Variants in FAM53A observed in about 807,000 individuals in gnomAD.
The protein encoded by FAM53A is family with sequence similarity 53 member A.
FAM53A carries 28 observed loss-of-function variants against 26.6 expected under a neutral mutation model. The observed-to-expected ratio is 1.05, with a 90% CI of 0.78 to 1.45. FAM53A has a LOEUF of 1.45. FAM53A is among the 40% of genes most tolerant of loss of function. FAM53A has a pLI of 0.00. For synonymous variants in FAM53A, 290 were observed against 253.1 expected (o/e 1.15, Z -1.38); for missense variants, 650 against 575.8 (o/e 1.13, Z -1.32).
At chr4:1,603,458 CCTG>C in the FAM53A span, among the ~76,000 whole-genome samples, 2 of 152,186 alleles carry the variant, frequency 1.3e-5, no homozygotes, top group Non-Finnish European at 2.9e-5. Context: ...GAGAGGACAC[CCTG>C]CTGACCAAGG....
chr4:1,614,045 C>T (rs1278590680), downstream of FAM53A, among the ~76,000 whole-genome samples: 1 of 152,210 alleles, frequency 6.6e-6, no homozygotes, highest in Admixed American at 6.5e-5. Context: ...CTGGTATGCT[C>T]ACGCGACCAG....
At chr4:1,585,539 C>T in the FAM53A span, among the ~76,000 whole-genome samples, 4 of 152,122 alleles carry the variant, frequency 2.6e-5, no homozygotes, top group African/African-American at 4.8e-5. Flanking sequence ...CTGCCTCGGC[C>T]TCCCAAAGTG....
downstream of FAM53A, among the ~76,000 whole-genome samples, chr4:1,636,756 C>G (rs572034199): frequency 6.6e-6 from 1 of 152,224 alleles, no homozygotes; most frequent in Non-Finnish European, 1.5e-5. Flanking sequence ...GAGGGGTCCG[C>G]GTCTGCGTCT....
At chr4:1,632,142 T>G (rs1715633973) in intron 1 of FAM53A, among the ~76,000 whole-genome samples, 1 of 136,780 alleles carries the variant, frequency 7.3e-6, no homozygotes, top group Non-Finnish European at 1.5e-5. Flanking sequence ...CCAGCCTGGG[T>G]GACACAGTAA....
At chr4:1,651,533 A>T (rs1577117142) in intron 4 of FAM53A, among the ~76,000 whole-genome samples, 1 of 19,442 alleles carries the variant, frequency 5.1e-5, no homozygotes, top group Admixed American at 8.0e-4. Flanking sequence ...ATTCTGTCTT[A>T]AAAAAAAAAA....
chr4:1,674,090 C>T (rs554504747), intron 1 of FAM53A, among the ~76,000 whole-genome samples: 116 of 152,338 alleles, frequency 7.6e-4, no homozygotes, highest in African/African-American at 2.7e-3. Flanking sequence ...AGTTTACTCT[C>T]ACAGTTCTGG....
rs565266026 is a variant in FAM53A at position 1,673,854 on chromosome 4, C to T, written c.-164-4949G>A. ...TCTGGCACGCGGGAGGCGCATGCAG[C>T]GCGGGAGGGACCACGCCTACTGCCA... On this transcript the variant is annotated intron_variant, in intron 1 of 4. Transcript: ENST00000308132. Among the ~76,000 whole-genome samples the T allele has an allele frequency of 6.8e-4, 103 of 152,380 alleles. No individual in the cohort carries two copies. The South Asian group carries it at 0.021, about 31-fold the overall frequency.
chr4:1,655,209 G>T lies in FAM53A; in HGVS notation c.651C>A (p.Ser217=). ...LWCSAESCLP[S]TRRRPSLSQE... ...GTGAGAGGGACGGGCGGCGCCTCGTGGAGGGCAAGCAGGACTCCGCGGAAC... is the reference window on the plus strand; with the variant it reads ...GTGAGAGGGACGGGCGGCGCCTCGTTGAGGGCAAGCAGGACTCCGCGGAAC... Residue 217 remains serine (S), a synonymous_variant, in exon 4 of 5, where the codon TCC becomes TCA. Coordinates refer to ENST00000308132, the MANE Select transcript of FAM53A (RefSeq NM_001174070.3). 1.3e-6 allele frequency: 2 copies of T among 1,556,092 alleles called. No individual in the cohort carries two copies. The highest frequency in any genetic ancestry group is 1.2e-5 in the South Asian group (1 of 84,792).
chr4:1,651,859 C>T (rs541208497), intron 4 of FAM53A, among the ~76,000 whole-genome samples: 47 of 152,034 alleles, frequency 3.1e-4, no homozygotes, highest in Middle Eastern at 3.4e-3. Context: ...GGATGCCCCG[C>T]GCAGCCCCAG....
chr4:1,668,431 C>A (rs1246711848), intron 2 of FAM53A, among the ~76,000 whole-genome samples: 2 of 152,206 alleles, frequency 1.3e-5, no homozygotes, highest in Non-Finnish European at 2.9e-5. Context: ...TGAGCCACCA[C>A]GCCCAGCTGG....
chr4:1,595,106 G>A, the FAM53A span, among the ~76,000 whole-genome samples: 187 of 152,356 alleles, frequency 1.2e-3, no homozygotes, highest in African/African-American at 4.1e-3. Flanking sequence ...GGGACGGGGA[G>A]GCACAGATTC....
In FAM53A at chr4:1,659,542, G is replaced by A. The variant is rs1442044678; in HGVS notation, c.76-2074C>T. Among the ~76,000 whole-genome samples the A allele has an allele frequency of 6.6e-6, 1 of 152,222 alleles. No homozygotes were observed. Among genetic ancestry groups the A allele is most frequent in the Non-Finnish European group, 1.5e-5 (1 of 68,028 alleles). ...CGGTCCCAAATGTGACCACCTCTAT[G>A]CAAAGACACGCCGGGGGCAGCAGCT... is the stretch of plus-strand genomic sequence containing the variant. On this transcript the variant is annotated intron_variant, in intron 2 of 4. Coordinates refer to ENST00000308132, the MANE Select transcript of FAM53A (RefSeq NM_001174070.3). The surrounding 1 kb of genome is among the most constrained non-coding windows in gnomAD (Gnocchi z 5.2).
downstream of FAM53A, among the ~76,000 whole-genome samples, chr4:1,614,560 G>A (rs1366212728): frequency 6.6e-6 from 1 of 152,056 alleles, no homozygotes; most frequent in Admixed American, 6.5e-5. Flanking sequence ...CAACAGAAGA[G>A]GCACAGCCCC....
upstream of FAM53A, among the ~76,000 whole-genome samples, chr4:1,684,741 C>A (rs1222722458): frequency 6.6e-6 from 1 of 152,174 alleles, no homozygotes; most frequent in Non-Finnish European, 1.5e-5. Context: ...CCGCCGCCTT[C>A]CCGCCTGCCG....
the FAM53A span, among the ~76,000 whole-genome samples, chr4:1,607,983 G>A: frequency 2.6e-5 from 4 of 151,598 alleles, no homozygotes; most frequent in East Asian, 3.9e-4. Flanking sequence ...GTGGTAGCAC[G>A]AGCCTGTAAT....
the FAM53A span, among the ~76,000 whole-genome samples, chr4:1,596,654 G>T: frequency 6.6e-6 from 1 of 152,192 alleles, no homozygotes; most frequent in East Asian, 1.9e-4. Context: ...CACTCACACG[G>T]TGTCCGCCCG....
intron 1 of FAM53A, among the ~76,000 whole-genome samples, chr4:1,674,668 CAAA>C (rs34285756): frequency 2.1e-5 from 3 of 143,646 alleles, no homozygotes; most frequent in East Asian, 2.0e-4. Context: ...GACTCTGTCT[CAAA>C]AAAAAAAAAA....
chr4:1,638,364 C>T (rs1464924631), downstream of FAM53A, among the ~76,000 whole-genome samples: 2 of 152,124 alleles, frequency 1.3e-5, no homozygotes, highest in Non-Finnish European at 2.9e-5. Flanking sequence ...AGTCTCCCCA[C>T]CCGCAGAGGA....
At chr4:1,656,603 G>A (rs996174992) in intron 3 of FAM53A, among the ~76,000 whole-genome samples, 1 of 152,132 alleles carries the variant, frequency 6.6e-6, no homozygotes, top group African/African-American at 2.4e-5. Context: ...GGAGGTGGCT[G>A]GTCTGACCCC....
Sources: allele counts gnomAD v4.1 joint callset (sites outside exome capture counted in the v4.1 genomes callset), GRCh38; gene constraint gnomAD v4.1.1; non-coding constraint Gnocchi (gnomAD v3.1); transcripts MANE v1.5; gene names NCBI Gene and HGNC (gene_info 2026-07-23, HGNC 2026-07-21).